GRIN2B: variants seen among roughly 807,000 people sequenced by gnomAD.
The protein encoded by GRIN2B is glutamate receptor ionotropic, NMDA 2B.
GRIN2B carries 5 observed loss-of-function variants against 114.5 expected under a neutral mutation model. The ratio of observed to expected loss-of-function variants is 0.04; its 90% CI spans 0.02 to 0.09. GRIN2B has a LOEUF of 0.09. GRIN2B is among the 10% of genes least tolerant of loss of function. The pLI is 1.00. For missense variants in GRIN2B, 1,108 were observed against 1,943.5 expected (o/e 0.57, Z 8.08); for synonymous variants, 787 against 745.1 (o/e 1.06, Z -0.92).
intron 4 of GRIN2B, among the ~76,000 whole-genome samples, chr12:13,751,053 C>T (rs1171764777): frequency 6.6e-6 from 1 of 152,170 alleles, no homozygotes; most frequent in Non-Finnish European, 1.5e-5. Flanking sequence ...GGAACATCAG[C>T]ACCTGTGTTT....
At chr12:13,670,509 A>G (rs1205421403) in intron 5 of GRIN2B, among the ~76,000 whole-genome samples, 1 of 152,098 alleles carries the variant, frequency 6.6e-6, no homozygotes, top group Non-Finnish European at 1.5e-5. Context: ...TTTTATTATC[A>G]CCATTTTAGG....
intron 2 of GRIN2B, among the ~76,000 whole-genome samples, chr12:13,908,167 TCCAAC>T (rs72462501): frequency 0.15 from 23,267 of 151,732 alleles, 2,099 homozygotes; most frequent in Non-Finnish European, 0.19. Context: ...TTCTCAGTCC[TCCAAC>T]CATCTCTATC....
chr12:13,576,749 C>T (rs750193034), intron 10 of GRIN2B, among the ~76,000 whole-genome samples: 10 of 152,070 alleles, frequency 6.6e-5, no homozygotes, highest in African/African-American at 1.2e-4. Flanking sequence ...GACAGGGTTT[C>T]GCCATGTTGG....
chr12:13,750,115 GA>G (rs760674533), intron 4 of GRIN2B, among the ~76,000 whole-genome samples: 7 of 152,170 alleles, frequency 4.6e-5, no homozygotes, highest in Non-Finnish European at 1.0e-4. Context: ...GTACATTTGG[GA>G]AATCAAGTGA....
intron 4 of GRIN2B, among the ~76,000 whole-genome samples, chr12:13,697,606 A>G (rs1195418038): frequency 6.6e-6 from 1 of 152,184 alleles, no homozygotes; most frequent in African/African-American, 2.4e-5. Flanking sequence ...CATGTTCCTC[A>G]TCCCAAACAT....
intron 4 of GRIN2B, among the ~76,000 whole-genome samples, chr12:13,692,363 T>C (rs534535600): frequency 4.6e-5 from 7 of 152,088 alleles, no homozygotes; most frequent in Non-Finnish European, 1.0e-4. Flanking sequence ...CTAGAGAATA[T>C]AGGTGCTCAG....
At chr12:13,924,594 A>G (rs1303069182) in intron 2 of GRIN2B, among the ~76,000 whole-genome samples, 1 of 152,214 alleles carries the variant, frequency 6.6e-6, no homozygotes, top group East Asian at 1.9e-4. Context: ...CTCCTGGCCA[A>G]TGCTAACCAG....
At chr12:13,684,459 A>G (rs1367388910) in intron 4 of GRIN2B, among the ~76,000 whole-genome samples, 2 of 152,186 alleles carry the variant, frequency 1.3e-5, no homozygotes. Flanking sequence ...GAACTCAGTG[A>G]TGAAAAATGA....
At chr12:13,812,726 G>T (rs1234571977) in intron 3 of GRIN2B, among the ~76,000 whole-genome samples, 4 of 152,084 alleles carry the variant, frequency 2.6e-5, no homozygotes, top group Non-Finnish European at 5.9e-5. Flanking sequence ...TGAAAGGTAA[G>T]ATCAGATATG....
intron 3 of GRIN2B, among the ~76,000 whole-genome samples, chr12:13,829,811 G>C (rs1865114526): frequency 6.6e-6 from 1 of 152,216 alleles, no homozygotes; most frequent in Admixed American, 6.5e-5. Flanking sequence ...TATCAAAGCA[G>C]TTGCTCCATG....
At chr12:13,690,022 C>T (rs1950201716) in intron 4 of GRIN2B, among the ~76,000 whole-genome samples, 1 of 152,070 alleles carries the variant, frequency 6.6e-6, no homozygotes, top group Non-Finnish European at 1.5e-5. Flanking sequence ...TTATTGTTCA[C>T]TTGACTTGTT....
intron 2 of GRIN2B, among the ~76,000 whole-genome samples, chr12:13,887,632 G>A (rs1396052446): frequency 6.6e-6 from 1 of 152,190 alleles, no homozygotes; most frequent in Non-Finnish European, 1.5e-5. Flanking sequence ...AGAATGCTTT[G>A]GGGATTTATT....
At chr12:13,583,875 C>A (rs756570007) in intron 10 of GRIN2B, among the ~76,000 whole-genome samples, 2 of 152,098 alleles carry the variant, frequency 1.3e-5, no homozygotes, top group Non-Finnish European at 2.9e-5. Flanking sequence ...ACACTGTGAA[C>A]CCCACAGTGC....
intron 4 of GRIN2B, among the ~76,000 whole-genome samples, chr12:13,741,534 G>T (rs532969841): frequency 6.6e-6 from 1 of 152,196 alleles, no homozygotes; most frequent in South Asian, 2.1e-4. Flanking sequence ...GATCTCAGGG[G>T]GTTTGGGGTT....
At chr12:13,659,623 C>T (rs12227569) in intron 5 of GRIN2B, among the ~76,000 whole-genome samples, 11,600 of 151,974 alleles carry the variant, frequency 0.076, 619 homozygotes, top group East Asian at 0.21. Context: ...ATCACCTAGA[C>T]AATTTTTTTA....
intron 3 of GRIN2B, among the ~76,000 whole-genome samples, chr12:13,765,079 C>T (rs1863755653): frequency 6.6e-6 from 1 of 152,222 alleles, no homozygotes; most frequent in African/African-American, 2.4e-5. Flanking sequence ...CTGATCCATG[C>T]TAACAAAACA....
intron 8 of GRIN2B, among the ~76,000 whole-genome samples, chr12:13,614,848 G>A (rs1393051240): frequency 2.0e-5 from 3 of 152,156 alleles, no homozygotes; most frequent in Non-Finnish European, 2.9e-5. Context: ...TAAATGGCAG[G>A]AATGGGACTA....
chr12:13,635,275 A>T (rs1038583476), intron 5 of GRIN2B, among the ~76,000 whole-genome samples: 1 of 152,198 alleles, frequency 6.6e-6, no homozygotes, highest in Non-Finnish European at 1.5e-5. Context: ...GGTGAAACCA[A>T]GTCAGCTGGA....
At chr12:13,677,207 T>C (rs1190991756) in intron 4 of GRIN2B, among the ~76,000 whole-genome samples, 1 of 152,190 alleles carries the variant, frequency 6.6e-6, no homozygotes. Flanking sequence ...TGTGAGACCA[T>C]GTCCCTGCTA....
Sources: gnomAD v4.1 joint callset for allele counts (sites outside exome capture counted in the v4.1 genomes callset) on GRCh38, gnomAD v4.1.1 for gene constraint, MANE v1.5 for transcripts, NCBI Gene and HGNC (gene_info 2026-07-23, HGNC 2026-07-21) for gene names.